LINGO2: variants seen among roughly 807,000 people sequenced by gnomAD.
LINGO2 encodes the protein leucine rich repeat and Ig domain containing 2.
In LINGO2, 14 loss-of-function variants were observed where a neutral mutation model predicts 30.6. The observed-to-expected ratio is 0.46, with a 90% confidence interval of 0.30 to 0.72. The LOEUF is 0.72. Ranked by LOEUF, LINGO2 falls within the 30% of genes least tolerant of loss-of-function variation. The probability of loss-of-function intolerance (pLI) is 0.07; values close to 1 mark genes in which losing one functional copy is unlikely to be tolerated. For synonymous variants in LINGO2, 317 were observed against 288.5 expected (o/e 1.10, Z -1.00); for missense variants, 729 against 751.7 (o/e 0.97, Z 0.35).
intron 3 of LINGO2, among the ~76,000 whole-genome samples, chr9:28,357,944 C>T (rs149955882): frequency 0.012 from 1,838 of 152,166 alleles, 42 homozygotes; most frequent in African/African-American, 0.042. Flanking sequence ...AATGTGTACA[C>T]ATTCCTGGGA....
chr9:28,720,194 G>A, the LINGO2 span, among the ~76,000 whole-genome samples: 2 of 151,964 alleles, frequency 1.3e-5, no homozygotes, highest in African/African-American at 4.8e-5. Context: ...CTTGTTTCAT[G>A]TATCCAAGCA....
chr9:28,816,417 A>G, the LINGO2 span, among the ~76,000 whole-genome samples: 1 of 152,204 alleles, frequency 6.6e-6, no homozygotes, highest in Non-Finnish European at 1.5e-5. Context: ...GCTATTTTTT[A>G]TCAACCTCAT....
chr9:28,692,872 T>G, the LINGO2 span, among the ~76,000 whole-genome samples: 1 of 152,144 alleles, frequency 6.6e-6, no homozygotes, highest in African/African-American at 2.4e-5. Context: ...GCCTTATACT[T>G]TTAAAATCAA....
Position 28,186,915 on chromosome 9 carries a change from T to C in LINGO2, c.-87+108293A>G, listed in dbSNP as rs571628713. On this transcript the variant is annotated intron_variant, in intron 4 of 5. Coordinates refer to ENST00000379992, the Ensembl canonical transcript of LINGO2. ...ACTTCACAGGGCACGGGGATTTACTTTGCCTTTTACTTGGAGTGAGATTCA... is the reference window on the plus strand; with the variant it reads ...ACTTCACAGGGCACGGGGATTTACTCTGCCTTTTACTTGGAGTGAGATTCA... 1.1e-4 allele frequency among the ~76,000 whole-genome samples: 17 copies of C among 152,196 alleles called. No individual in the cohort carries two copies. The South Asian group carries it at 2.9e-3, about 26-fold the overall frequency.
rs1435960433 is a variant in LINGO2, at chr9:28,129,981, AT to A, written c.-86-117577del. 2.0e-5 allele frequency among the ~76,000 whole-genome samples: 3 copies of A among 152,196 alleles called. No homozygotes were observed. The highest frequency in any genetic ancestry group is 7.2e-5 in the African/African-American group (3 of 41,456). The stretch of plus-strand genomic sequence containing the variant: ...AACAACTTATGTTCCAGTAACTTCT[AT>A]TTTAGTAGACTTTTTTCCTCTAAAA... On this transcript the variant is annotated intron_variant, in intron 4 of 5. Coordinates refer to ENST00000379992, the Ensembl canonical transcript of LINGO2. This position sits in a 1 kb window ranked among gnomAD's most constrained non-coding sequence, Gnocchi z 4.0.
At chr9:28,158,246 T>G (rs1828190448) in intron 4 of LINGO2, among the ~76,000 whole-genome samples, 1 of 152,074 alleles carries the variant, frequency 6.6e-6, no homozygotes, top group African/African-American at 2.4e-5. Context: ...CCATCAGATC[T>G]CATGAGACTT....
the LINGO2 span, among the ~76,000 whole-genome samples, chr9:28,802,811 G>A: frequency 6.6e-6 from 1 of 152,008 alleles, no homozygotes; most frequent in Non-Finnish European, 1.5e-5. Flanking sequence ...CTTTCAATCT[G>A]TTGCTATCTC....
At chr9:27,973,590 G>A (rs923367377) in intron 5 of LINGO2, among the ~76,000 whole-genome samples, 18 of 152,192 alleles carry the variant, frequency 1.2e-4, no homozygotes, top group African/African-American at 3.9e-4. Context: ...AGAAGCCAAC[G>A]TGGTCAGTAT....
chr9:28,910,958 T>G, the LINGO2 span, among the ~76,000 whole-genome samples: 1 of 152,098 alleles, frequency 6.6e-6, no homozygotes, highest in Admixed American at 6.6e-5. Context: ...AATATGGTTT[T>G]CTCTTAAAAG....
chr9:28,830,275 C>T, the LINGO2 span, among the ~76,000 whole-genome samples: 2 of 152,048 alleles, frequency 1.3e-5, no homozygotes, highest in African/African-American at 2.4e-5. Flanking sequence ...AAGTTCATTC[C>T]GGCAATGAGG....
chr9:28,284,469 A>G (rs1823436611), intron 4 of LINGO2, among the ~76,000 whole-genome samples: 1 of 152,184 alleles, frequency 6.6e-6, no homozygotes, highest in East Asian at 1.9e-4. Flanking sequence ...TTTAGATGGC[A>G]TGTTGTAGAT....
At chr9:28,955,906 T>C in the LINGO2 span, among the ~76,000 whole-genome samples, 78 of 152,188 alleles carry the variant, frequency 5.1e-4, no homozygotes, top group African/African-American at 1.8e-3. Flanking sequence ...GCACTGGGAT[T>C]ACAGGCATGA....
chr9:28,086,183 C>T (rs1478790400), intron 4 of LINGO2, among the ~76,000 whole-genome samples: 1 of 151,924 alleles, frequency 6.6e-6, no homozygotes, highest in Non-Finnish European at 1.5e-5. Context: ...TGTCTCTTGC[C>T]TGAAAATCAA....
intron 4 of LINGO2, among the ~76,000 whole-genome samples, chr9:28,066,128 T>A (rs1825306417): frequency 6.6e-6 from 1 of 152,068 alleles, no homozygotes; most frequent in Non-Finnish European, 1.5e-5. Context: ...TGTGGCAAAC[T>A]CAGCACCCTG....
intron 4 of LINGO2, among the ~76,000 whole-genome samples, chr9:28,249,967 A>G (rs1468523450): frequency 1.3e-5 from 2 of 152,182 alleles, no homozygotes; most frequent in Admixed American, 1.3e-4. Flanking sequence ...TAGAAGGGGC[A>G]GCGTTTGGGT....
At chr9:28,080,034 T>C (rs1258532776) in intron 4 of LINGO2, among the ~76,000 whole-genome samples, 7 of 152,166 alleles carry the variant, frequency 4.6e-5, no homozygotes, top group Non-Finnish European at 1.0e-4. Context: ...CCAAAGTAAC[T>C]CTTGATAACA....
At chr9:28,660,077 G>A (rs1407698610) in intron 1 of LINGO2, among the ~76,000 whole-genome samples, 1 of 152,058 alleles carries the variant, frequency 6.6e-6, no homozygotes, top group Non-Finnish European at 1.5e-5. Flanking sequence ...TTGTCATCGG[G>A]ATTAAAAACT....
intron 2 of LINGO2, among the ~76,000 whole-genome samples, chr9:28,393,073 G>C (rs16912812): frequency 0.014 from 2,060 of 152,238 alleles, 43 homozygotes; most frequent in African/African-American, 0.047. Context: ...TGATGAAAAC[G>C]TTGTGTGAAA....
the LINGO2 span, among the ~76,000 whole-genome samples, chr9:29,137,581 T>C: frequency 6.6e-6 from 1 of 152,182 alleles, no homozygotes; most frequent in Non-Finnish European, 1.5e-5. Flanking sequence ...AGGTATCTTT[T>C]ACCCTCCTAA....
Sources: allele counts gnomAD v4.1 joint callset (sites outside exome capture counted in the v4.1 genomes callset), GRCh38; gene constraint gnomAD v4.1.1; non-coding constraint Gnocchi (gnomAD v3.1); transcripts MANE v1.5; gene names NCBI Gene and HGNC (gene_info 2026-07-23, HGNC 2026-07-21).